The following SRRM4 variants were observed in gnomAD, a reference collection of about 807,000 sequenced individuals.
SRRM4 encodes serine/arginine repetitive matrix protein 4.
SRRM4 carries 33 observed loss-of-function variants against 68.9 expected under a neutral mutation model. That is an observed-to-expected ratio of 0.48 (90% CI 0.36 to 0.64). The LOEUF (loss-of-function observed/expected upper bound fraction) is 0.64, where lower values mean the gene tolerates loss of function less well. SRRM4 is among the 30% of genes least tolerant of loss of function. The pLI is 0.00. For missense variants in SRRM4, 817 were observed against 827.1 expected (o/e 0.99, Z 0.15); for synonymous variants, 318 against 318.8 (o/e 1.00, Z 0.03).
rs765537067 is a variant in SRRM4, at chr12:119,154,395, G to C, written c.1532+12G>C. Reference sequence around the variant, plus strand: ...CGGAGGATAACCAGGTGAGGCCAGGGGGCAAGGGGGACCCACCTTCATCCT... The same window carrying C: ...CGGAGGATAACCAGGTGAGGCCAGGCGGCAAGGGGGACCCACCTTCATCCT... On this transcript the variant is annotated intron_variant, in intron 12 of 12. Transcript: ENST00000267260. This position sits in a 1 kb window ranked among gnomAD's most constrained non-coding sequence, Gnocchi z 4.7. The C allele has an allele frequency of 6.8e-6, 11 of 1,611,524 alleles. No individual in the cohort carries two copies. Among genetic ancestry groups the C allele is most frequent in the Non-Finnish European group, 6.8e-6 (8 of 1,179,130 alleles).
intron 1 of SRRM4, among the ~76,000 whole-genome samples, chr12:119,050,624 T>C (rs979718785): frequency 6.6e-6 from 1 of 152,228 alleles, no homozygotes; most frequent in Non-Finnish European, 1.5e-5. Context: ...TATCCTAGCT[T>C]ACTTTTTAGT....
rs1954482954 is a variant in SRRM4 at position 119,157,676 on chromosome 12, C to T, written c.*878C>T. 6.6e-6 allele frequency: 1 copy of T among 152,594 alleles called. No homozygotes were observed. The highest frequency in any genetic ancestry group is 2.1e-4 in the South Asian group (1 of 4,832). The allele number at this position is 152,594 out of a possible 1,614,324, so 9.5% of individuals were successfully genotyped here. ...TATGCCTCAGCCCCACTAGCTGGCA[C>T]CAACTTAATTCCACGGGACCATCTG... On this transcript the variant is annotated 3_prime_UTR_variant, in exon 13 of 13. Coordinates refer to ENST00000267260, the MANE Select transcript of SRRM4 (RefSeq NM_194286.4). This position sits in a 1 kb window ranked among gnomAD's most constrained non-coding sequence, Gnocchi z 4.1.
At chr12:119,093,392 T>G (rs1185755982) in intron 1 of SRRM4, among the ~76,000 whole-genome samples, 1 of 152,220 alleles carries the variant, frequency 6.6e-6, no homozygotes, top group Non-Finnish European at 1.5e-5. Context: ...CCAAGGATCC[T>G]CCTTTCCTGG....
chr12:119,114,431 T>A, intron 3 of SRRM4, 67 bp downstream of exon 3: 1 of 1,320,054 alleles, frequency 7.6e-7, no homozygotes, highest in South Asian at 1.3e-5. Context: ...GGTTTCAAAG[T>A]CAGACAGTGG....
intron 9 of SRRM4, among the ~76,000 whole-genome samples, chr12:119,147,880 G>A (rs1954414015): frequency 6.6e-6 from 1 of 152,174 alleles, no homozygotes; most frequent in South Asian, 2.1e-4. Context: ...CATCATAATA[G>A]CTACTAAAAT....
intron 6 of SRRM4, among the ~76,000 whole-genome samples, chr12:119,123,721 G>T (rs769058665): frequency 2.6e-5 from 4 of 152,238 alleles, no homozygotes; most frequent in Non-Finnish European, 5.9e-5. Flanking sequence ...CAAGTCTACG[G>T]TCAGGGCTGC....
intron 1 of SRRM4, among the ~76,000 whole-genome samples, chr12:119,039,674 T>C (rs1222773288): frequency 1.3e-5 from 2 of 152,170 alleles, no homozygotes; most frequent in Admixed American, 1.3e-4. Context: ...ATAAACCACA[T>C]GGCAGATTAA....
intron 1 of SRRM4, among the ~76,000 whole-genome samples, chr12:119,026,625 C>A (rs7312999): frequency 0.28 from 42,260 of 151,870 alleles, 6,280 homozygotes; most frequent in Non-Finnish European, 0.31. Context: ...GTTGGCTCAC[C>A]ACAACCTCCG....
At chr12:119,038,708 A>T (rs1298043587) in intron 1 of SRRM4, among the ~76,000 whole-genome samples, 2 of 151,686 alleles carry the variant, frequency 1.3e-5, no homozygotes, top group Non-Finnish European at 2.9e-5. Flanking sequence ...ACGTTTTTTC[A>T]TGTTTCCTCT....
intron 1 of SRRM4, among the ~76,000 whole-genome samples, chr12:119,052,663 G>A (rs953759962): frequency 6.6e-5 from 10 of 152,102 alleles, no homozygotes; most frequent in African/African-American, 2.2e-4. Context: ...CGAGTAGCTG[G>A]GACTACAGGC....
At chr12:119,093,577 CTG>C (rs1474941491) in intron 1 of SRRM4, among the ~76,000 whole-genome samples, 2 of 152,176 alleles carry the variant, frequency 1.3e-5, no homozygotes, top group South Asian at 2.1e-4. Flanking sequence ...GAAATCCTAA[CTG>C]TGTCTGCAAT....
intron 1 of SRRM4, among the ~76,000 whole-genome samples, chr12:118,983,367 G>C (rs1010028256): frequency 6.6e-6 from 1 of 152,198 alleles, no homozygotes; most frequent in Admixed American, 6.5e-5. Context: ...GTTTGCAGAC[G>C]GGAAGGAGGG....
At chr12:119,059,742 G>A (rs527986617) in intron 1 of SRRM4, among the ~76,000 whole-genome samples, 7 of 152,242 alleles carry the variant, frequency 4.6e-5, no homozygotes, top group African/African-American at 9.6e-5. Context: ...ATCTCATGTC[G>A]CTGCTACCCT....
intron 1 of SRRM4, among the ~76,000 whole-genome samples, chr12:119,080,964 TAAGA>T (rs1192974096): frequency 6.6e-6 from 1 of 152,234 alleles, no homozygotes; most frequent in Non-Finnish European, 1.5e-5. Flanking sequence ...CTTTCCTGCT[TAAGA>T]AAGCATAACA....
chr12:119,019,961 C>CCCAA (rs547396065), intron 1 of SRRM4, among the ~76,000 whole-genome samples: 2 of 90,108 alleles, frequency 2.2e-5, no homozygotes, highest in Non-Finnish European at 4.5e-5. Flanking sequence ...CCCCCCCCCC[C>CCCAA]AAAAAAAAAT....
chr12:119,094,672 G>T (rs971726740), intron 1 of SRRM4, among the ~76,000 whole-genome samples: 1 of 151,968 alleles, frequency 6.6e-6, no homozygotes, highest in Non-Finnish European at 1.5e-5. Context: ...AACACATTCC[G>T]TGACCACCTG....
chr12:119,128,223 G>C (rs560661590), intron 7 of SRRM4, among the ~76,000 whole-genome samples: 1 of 152,288 alleles, frequency 6.6e-6, no homozygotes, highest in East Asian at 1.9e-4. Context: ...AATCAAGTCT[G>C]AGCCCAGATG....
chr12:119,150,818 C>T (rs1954434165), intron 9 of SRRM4, among the ~76,000 whole-genome samples, 199 bp from the exon 10 acceptor site: 1 of 152,192 alleles, frequency 6.6e-6, no homozygotes, highest in South Asian at 2.1e-4. Context: ...CCTGAATTGT[C>T]TACTTTTAAG....
rs1472742381 is a variant in SRRM4 at position 119,104,315 on chromosome 12, C to G, written c.278+1933C>G. Among the ~76,000 whole-genome samples, 5 of 152,184 alleles carry G rather than the reference C, an allele frequency of 3.3e-5. No individual in the cohort carries two copies. The East Asian group carries it at 9.7e-4, about 29-fold the overall frequency. ...TCTGAAAAAATGATGCCATGTCATACAGCATCTCTATTGTAGAGCTGTTGT... is the reference window on the plus strand; with the variant it reads ...TCTGAAAAAATGATGCCATGTCATAGAGCATCTCTATTGTAGAGCTGTTGT... On this transcript the variant is annotated intron_variant, in intron 2 of 12. Transcript: ENST00000267260.
Sources: allele counts gnomAD v4.1 joint callset (sites outside exome capture counted in the v4.1 genomes callset), GRCh38; gene constraint gnomAD v4.1.1; non-coding constraint Gnocchi (gnomAD v3.1); transcripts MANE v1.5; gene names NCBI Gene and HGNC (gene_info 2026-07-23, HGNC 2026-07-21).